Variants in FAM107B observed in about 807,000 individuals in gnomAD.
FAM107B encodes family with sequence similarity 107 member B.
A neutral mutation model predicts 31.5 loss-of-function variants in FAM107B; 21 were observed. The ratio of observed to expected loss-of-function variants is 0.67; its 90% CI spans 0.47 to 0.96. The LOEUF (loss-of-function observed/expected upper bound fraction) is 0.96. Among genes scored for constraint, FAM107B ranks in the 40% least tolerant of loss-of-function variants. The pLI is 0.00. For missense variants in FAM107B, 452 were observed against 377.1 expected (o/e 1.20, Z -1.64); for synonymous variants, 157 against 141.5 (o/e 1.11, Z -0.78).
chr10:14,686,372 G>A (rs1854987754), intron 1 of FAM107B, among the ~76,000 whole-genome samples: 2 of 148,874 alleles, frequency 1.3e-5, no homozygotes, highest in South Asian at 4.2e-4. Flanking sequence ...CTAGGCGACA[G>A]AGCAAGACTC....
intron 2 of FAM107B, among the ~76,000 whole-genome samples, chr10:14,623,453 A>G (rs1051283939): frequency 6.6e-6 from 1 of 152,274 alleles, no homozygotes; most frequent in Admixed American, 6.5e-5. Context: ...AGAGTGACCA[A>G]CACAGAGAGC....
At chr10:14,575,773 C>A (rs959870408) in intron 2 of FAM107B, among the ~76,000 whole-genome samples, 4 of 152,212 alleles carry the variant, frequency 2.6e-5, no homozygotes, top group South Asian at 2.1e-4. Context: ...TATGGGCACA[C>A]ATTTCCTAAT....
At chr10:14,762,788 ACACAC>A (rs1564293210) in intron 1 of FAM107B, among the ~76,000 whole-genome samples, 10 of 150,572 alleles carry the variant, frequency 6.6e-5, no homozygotes, top group African/African-American at 2.5e-4. Context: ...ACACACACAC[ACACAC>A]ACACACACAA....
At chr10:14,600,365 G>A (rs1852349742) in intron 2 of FAM107B, among the ~76,000 whole-genome samples, 1 of 152,144 alleles carries the variant, frequency 6.6e-6, no homozygotes, top group Non-Finnish European at 1.5e-5. Context: ...CCAAATTCCA[G>A]ACAGAACTGA....
At chr10:14,646,377 CA>C (rs1375969600) in intron 2 of FAM107B, among the ~76,000 whole-genome samples, 2 of 152,138 alleles carry the variant, frequency 1.3e-5, no homozygotes, top group East Asian at 3.8e-4. Context: ...TCCACTGTAC[CA>C]CTCTGTATGC....
intron 1 of FAM107B, among the ~76,000 whole-genome samples, chr10:14,701,445 A>G (rs1855396790): frequency 6.6e-6 from 1 of 151,950 alleles, no homozygotes; most frequent in African/African-American, 2.4e-5. Flanking sequence ...GGGTTTTACC[A>G]TGTTGGCCAA....
chr10:14,626,653 G>A (rs926333850), intron 2 of FAM107B, among the ~76,000 whole-genome samples: 16 of 151,954 alleles, frequency 1.1e-4, no homozygotes, highest in Admixed American at 1.3e-4. Context: ...ACAGGCGCCC[G>A]CCACCACACC....
At chr10:14,722,917 A>G (rs753349955) in intron 1 of FAM107B, among the ~76,000 whole-genome samples, 2 of 152,102 alleles carry the variant, frequency 1.3e-5, no homozygotes, top group Admixed American at 6.5e-5. Flanking sequence ...ACTTACTCCT[A>G]TGTTTTCTTC....
chr10:14,527,117 G>A (rs888836401), intron 3 of FAM107B, among the ~76,000 whole-genome samples: 2 of 151,562 alleles, frequency 1.3e-5, no homozygotes, highest in Non-Finnish European at 1.5e-5. Context: ...GATTACAGGC[G>A]TGAGCCACCA....
chr10:14,703,967 A>G (rs528724395), intron 1 of FAM107B, among the ~76,000 whole-genome samples: 2 of 152,350 alleles, frequency 1.3e-5, no homozygotes, highest in Admixed American at 6.5e-5. Context: ...AGGAAAAGAA[A>G]GAGAAAAATG....
At chr10:14,629,473 T>C (rs1237678038) in intron 2 of FAM107B, among the ~76,000 whole-genome samples, 1 of 58,474 alleles carries the variant, frequency 1.7e-5, no homozygotes, top group Non-Finnish European at 3.0e-5. Context: ...ATATATTTAA[T>C]ATATATATAA....
At chr10:14,673,964 G>A (rs1854618754) in intron 1 of FAM107B, among the ~76,000 whole-genome samples, 2 of 151,862 alleles carry the variant, frequency 1.3e-5, no homozygotes, top group Admixed American at 6.6e-5. Context: ...CAGATTATTT[G>A]TTTTTTGCTT....
intron 1 of FAM107B, among the ~76,000 whole-genome samples, chr10:14,687,628 T>A (rs1281065290): frequency 7.5e-6 from 1 of 133,494 alleles, no homozygotes; most frequent in African/African-American, 2.8e-5. Context: ...GAAGGACCAG[T>A]GTTGCGGGGG....
intron 2 of FAM107B, among the ~76,000 whole-genome samples, chr10:14,555,236 T>C (rs1849595855): frequency 6.6e-6 from 1 of 152,236 alleles, no homozygotes. Flanking sequence ...ATTGAATTTA[T>C]AAATGTTCAG....
intron 2 of FAM107B, among the ~76,000 whole-genome samples, chr10:14,645,778 C>A (rs1198702584): frequency 1.3e-5 from 2 of 152,126 alleles, no homozygotes; most frequent in East Asian, 1.9e-4. Flanking sequence ...CAGATAAATT[C>A]TCTCCCTGAT....
At chr10:14,648,880 T>G (rs775102962) in intron 2 of FAM107B, among the ~76,000 whole-genome samples, 23 of 152,172 alleles carry the variant, frequency 1.5e-4, no homozygotes, top group Non-Finnish European at 3.1e-4. Context: ...TGATAGAGAT[T>G]AAAAAAGACA....
Position 14,621,182 on chromosome 10 carries a change from T to C in FAM107B, c.469+46452A>G, listed in dbSNP as rs143364913. 2.1e-3 allele frequency among the ~76,000 whole-genome samples: 325 copies of C among 152,310 alleles called. 3 individuals are homozygous for C. The East Asian group carries it at 0.044, about 20-fold the overall frequency. Reference sequence around the variant, plus strand: ...GTTCTCTGTTTTTTTAAATTTGGCATTCTTTTCAGGGAATTTCAGGGAAGA... The same window carrying C: ...GTTCTCTGTTTTTTTAAATTTGGCACTCTTTTCAGGGAATTTCAGGGAAGA... On this transcript the variant is annotated intron_variant, in intron 2 of 4. Transcript: ENST00000181796.
chr10:14,561,959 T>C (rs1850279840), intron 2 of FAM107B, among the ~76,000 whole-genome samples: 1 of 152,128 alleles, frequency 6.6e-6, no homozygotes, highest in Non-Finnish European at 1.5e-5. Flanking sequence ...TAATTTTTGG[T>C]ATTTTTAGTA....
intron 2 of FAM107B, among the ~76,000 whole-genome samples, chr10:14,619,670 T>C (rs1415271724): frequency 7.2e-6 from 1 of 139,080 alleles, no homozygotes; most frequent in East Asian, 2.2e-4. Flanking sequence ...GGCTTATTTA[T>C]CCATGCCTTC....
Sources: gnomAD v4.1 joint callset for allele counts (sites outside exome capture counted in the v4.1 genomes callset) on GRCh38, gnomAD v4.1.1 for gene constraint, MANE v1.5 for transcripts, NCBI Gene and HGNC (gene_info 2026-07-23, HGNC 2026-07-21) for gene names.